Variants in FER observed in about 807,000 individuals in gnomAD.
FER encodes FER tyrosine kinase, also known as tyrosine-protein kinase Fer.
A neutral mutation model predicts 111.0 loss-of-function variants in FER; 63 were observed. That is an observed-to-expected ratio of 0.57 (90% CI 0.46 to 0.70). FER has a LOEUF of 0.70. Among genes scored for constraint, FER ranks in the 30% least tolerant of loss-of-function variants. The pLI is 0.00. For synonymous variants in FER, 327 were observed against 313.9 expected, an observed-to-expected ratio of 1.04 and a Z score of -0.44; for missense variants, 914 against 954.0, an observed-to-expected ratio of 0.96 and a Z score of 0.55.
intron 16 of FER, among the ~76,000 whole-genome samples, chr5:109,090,457 A>G (rs544080166): frequency 6.4e-4 from 98 of 152,182 alleles, no homozygotes; most frequent in Non-Finnish European, 2.8e-4. Context: ...AAACAGGGAA[A>G]CATGGCCCAA....
intron 16 of FER, chr5:109,052,560 A>G: frequency 1.6e-6 from 1 of 633,584 alleles, no homozygotes; most frequent in Admixed American, 2.7e-5. Context: ...TCAGGCACTC[A>G]GACCTGTCTA....
chr5:108,917,992 A>G (rs1455489937), intron 10 of FER, among the ~76,000 whole-genome samples: 1 of 152,176 alleles, frequency 6.6e-6, no homozygotes, highest in African/African-American at 2.4e-5. Flanking sequence ...TAATGACAAC[A>G]ACATTCAGGA....
intron 13 of FER, among the ~76,000 whole-genome samples, chr5:109,032,309 T>C (rs1769746839): frequency 6.6e-6 from 1 of 152,180 alleles, no homozygotes. Context: ...ATGTTTCTTT[T>C]ACACAGGTAT....
chr5:108,991,973 A>G lies in FER; in HGVS notation c.1656+32626A>G, dbSNP rs371486810. On this transcript the variant is annotated intron_variant, in intron 13 of 19. Coordinates refer to ENST00000281092, the MANE Select transcript of FER (RefSeq NM_005246.4). ...ACAATAGTGGAGGGAAGGTCAACAG[A>G]TAAACAAGTGAACAAAGGTCTCTGG... is the stretch of plus-strand genomic sequence containing the variant. 2.6e-5 allele frequency among the ~76,000 whole-genome samples: 4 copies of G among 152,156 alleles called. No homozygotes were observed. The East Asian group carries it at 5.8e-4, about 22-fold the overall frequency.
intron 3 of FER, among the ~76,000 whole-genome samples, chr5:108,828,840 C>T (rs1759742702): frequency 6.6e-6 from 1 of 152,130 alleles, no homozygotes; most frequent in African/African-American, 2.4e-5. Flanking sequence ...TAGCTTACGC[C>T]TGTAATCTTA....
intron 16 of FER, among the ~76,000 whole-genome samples, chr5:109,054,878 A>G (rs1773424904): frequency 6.6e-6 from 1 of 152,192 alleles, no homozygotes; most frequent in Non-Finnish European, 1.5e-5. Context: ...TTACCTTCAT[A>G]TTAAATTCAG....
At chr5:109,097,385 G>C (rs1747672412) in intron 16 of FER, among the ~76,000 whole-genome samples, 2 of 150,042 alleles carry the variant, frequency 1.3e-5, no homozygotes, top group African/African-American at 4.9e-5. Flanking sequence ...TTGATAAGCA[G>C]AATTACAAAA....
chr5:108,780,382 T>C (rs62361340), intron 2 of FER, among the ~76,000 whole-genome samples: 1 of 51,342 alleles, frequency 1.9e-5, no homozygotes, highest in Non-Finnish European at 3.8e-5. Flanking sequence ...GGTTAGTGGG[T>C]TTTTTTTTTT....
intron 7 of FER, 99 bp from the exon 8 acceptor site, chr5:108,871,994 A>C: frequency 8.2e-7 from 1 of 1,218,948 alleles, no homozygotes; most frequent in East Asian, 2.8e-5. Context: ...TTGTTAACAT[A>C]ATTTTGGATA....
intron 13 of FER, among the ~76,000 whole-genome samples, chr5:109,011,282 G>A (rs1213209115): frequency 6.6e-6 from 1 of 152,044 alleles, no homozygotes; most frequent in Non-Finnish European, 1.5e-5. Context: ...CTAAAAATCA[G>A]CATCTCTAAA....
chr5:109,140,955 C>T (rs1262229699), intron 17 of FER, among the ~76,000 whole-genome samples: 3 of 152,126 alleles, frequency 2.0e-5, no homozygotes, highest in Non-Finnish European at 4.4e-5. Context: ...ATTCTGGACC[C>T]ATATTCCACA....
chr5:108,813,674 T>A (rs1757988568), intron 3 of FER, among the ~76,000 whole-genome samples: 1 of 152,184 alleles, frequency 6.6e-6, no homozygotes, highest in African/African-American at 2.4e-5. Flanking sequence ...ATCCACTGTA[T>A]TTTTCAGCTC....
chr5:109,150,429 C>T (rs1272115410), intron 17 of FER, among the ~76,000 whole-genome samples: 1 of 152,126 alleles, frequency 6.6e-6, no homozygotes, highest in Non-Finnish European at 1.5e-5. Context: ...CATTTCTCTA[C>T]CAAAAATTGT....
At chr5:108,810,275 C>G (rs1359261713) in intron 3 of FER, among the ~76,000 whole-genome samples, 1 of 152,154 alleles carries the variant, frequency 6.6e-6, no homozygotes, top group Non-Finnish European at 1.5e-5. Flanking sequence ...TAAGACGTGG[C>G]TGTGGCTAAC....
At chr5:108,941,944 A>T (rs748238851) in intron 10 of FER, among the ~76,000 whole-genome samples, 2 of 152,144 alleles carry the variant, frequency 1.3e-5, no homozygotes, top group Non-Finnish European at 2.9e-5. Flanking sequence ...TGATCTGTCA[A>T]TGAAGGTTCT....
chr5:109,047,321 A>G, intron 16 of FER, 123 bp downstream of exon 16: 1 of 594,778 alleles, frequency 1.7e-6, no homozygotes, highest in South Asian at 2.3e-5. Flanking sequence ...ACATTTCCAG[A>G]TAACAAAAGA....
At chr5:109,186,140 G>A in intron 18 of FER, 60 bp from the exon 19 acceptor site, 1 of 1,611,798 alleles carries the variant, frequency 6.2e-7, no homozygotes, top group Non-Finnish European at 8.5e-7. Flanking sequence ...ACATAACCAG[G>A]AAGGGTCACC....
At chr5:108,748,974 T>A (rs879293116) in intron 1 of FER, 2 of 152,662 alleles carry the variant, frequency 1.3e-5, no homozygotes, top group Non-Finnish European at 2.9e-5. Context: ...TCTGAGGGGT[T>A]CGGGCTTGTC....
chr5:109,093,059 C>T (rs1456633474), intron 16 of FER, among the ~76,000 whole-genome samples: 12 of 152,052 alleles, frequency 7.9e-5, no homozygotes, highest in Non-Finnish European at 1.8e-4. Context: ...AGTAGTCAAA[C>T]TTACAGAAAC....
Sources: gnomAD v4.1 joint callset for allele counts (sites outside exome capture counted in the v4.1 genomes callset) on GRCh38, gnomAD v4.1.1 for gene constraint, MANE v1.5 for transcripts, NCBI Gene and HGNC (gene_info 2026-07-23, HGNC 2026-07-21) for gene names.